Variants in SMC6 observed in about 807,000 individuals in gnomAD.
SMC6 encodes the protein structural maintenance of chromosomes protein 6.
A neutral mutation model predicts 142.2 loss-of-function variants in SMC6; 79 were observed. The ratio of observed to expected loss-of-function variants is 0.56; its 90% CI spans 0.46 to 0.67. The LOEUF (loss-of-function observed/expected upper bound fraction) is 0.67. Ranked by LOEUF, SMC6 falls within the 30% of genes least tolerant of loss-of-function variation. The pLI, the probability that SMC6 is intolerant of heterozygous loss-of-function variation, is 0.00. For missense variants in SMC6, 1,072 were observed against 1,284.0 expected (o/e 0.83, Z 2.52); for synonymous variants, 411 against 412.4 (o/e 1.00, Z 0.04).
rs1421413285 is a variant in SMC6, at chr2:17,683,678, T to C, written c.2764A>G (p.Ile922Val). ...TATGTCTTGAATCTGTGCTCCATGA[T>C]TTCTCCCAGTAATTTAATAAACTTT... ...LKKFIKLLGE[I>V]MEHRFKTYQQ... Residue 922 changes from isoleucine (I) to valine (V), a missense_variant, in exon 24 of 28, where the codon ATC becomes GTC. Physicochemically the swap from Ile to Val is conservative, Grantham distance 29. This residue lies in a region of SMC6 where 994 missense variants were observed against 1,153.2 expected (regional missense o/e 0.86). Transcript: ENST00000448223. 1 of 1,612,370 alleles carries C rather than the reference T, an allele frequency of 6.2e-7. No homozygotes were observed. Among genetic ancestry groups the C allele is most frequent in the Non-Finnish European group, 8.5e-7 (1 of 1,178,650 alleles).
intron 11 of SMC6, 93 bp from the exon 12 acceptor site, chr2:17,718,316 T>C: frequency 2.5e-6 from 2 of 793,904 alleles, no homozygotes; most frequent in Non-Finnish European, 3.7e-6. Flanking sequence ...CAATAATAAA[T>C]TTAACTTCAC....
rs747932996 is a variant in SMC6, at chr2:17,717,172, A to G, written c.1097T>C (p.Leu366Ser). 6.9e-6 allele frequency: 11 copies of G among 1,601,698 alleles called. No homozygotes were observed. The highest frequency in any genetic ancestry group is 1.3e-5 in the African/African-American group (1 of 74,324). The change falls in exon 13 of 28, where the codon TTA becomes TCA. Residue 366 changes from leucine to serine, a missense_variant. Around this residue, in one of 3 missense-constraint regions of SMC6, gnomAD observed 994 missense variants for 1,153.2 expected, o/e 0.86. Coordinates refer to ENST00000448223, the MANE Select transcript of SMC6 (RefSeq NM_001142286.2). ...ATATTCGTTTAAGGATCGGTTATAT[A>G]AAACCTAACCAAAAAAATTAGACAC... ...KKRAYNEAEV[L>S]YNRSLNEYKA...
intron 25 of SMC6, among the ~76,000 whole-genome samples, chr2:17,677,260 G>T (rs1667033090): frequency 6.6e-6 from 1 of 151,968 alleles, no homozygotes. Context: ...AGGTATGATA[G>T]GGCTCACAGT....
chr2:17,668,953 T>C (rs566588276), intron 26 of SMC6, among the ~76,000 whole-genome samples: 186 of 152,056 alleles, frequency 1.2e-3, no homozygotes, highest in Non-Finnish European at 1.9e-3. Context: ...CCTGCCAAAA[T>C]GGTGGAGGAC....
At chr2:17,689,137 AAG>A (rs377231206) in intron 23 of SMC6, among the ~76,000 whole-genome samples, 8 of 151,118 alleles carry the variant, frequency 5.3e-5, no homozygotes, top group Admixed American at 6.6e-5. Context: ...CATCATCAGT[AAG>A]AGAGAGAGAG....
intron 23 of SMC6, among the ~76,000 whole-genome samples, chr2:17,691,671 C>T (rs879138603): frequency 3.3e-5 from 5 of 152,038 alleles, no homozygotes; most frequent in African/African-American, 1.2e-4. Context: ...GGGATGCCCT[C>T]TCTCACCACT....
chr2:17,679,627 T>C (rs1667151662), intron 24 of SMC6: 1 of 152,204 alleles, frequency 6.6e-6, no homozygotes, highest in African/African-American at 2.4e-5. Flanking sequence ...TTTTACATTA[T>C]TCACACCATC....
intron 23 of SMC6, among the ~76,000 whole-genome samples, chr2:17,692,658 G>A (rs1667787006): frequency 6.6e-6 from 1 of 151,560 alleles, no homozygotes; most frequent in Admixed American, 6.5e-5. Context: ...AGGACTTCAT[G>A]TCTAAAACAC....
chr2:17,684,010 T>C (rs905996635), intron 23 of SMC6, among the ~76,000 whole-genome samples: 6 of 152,156 alleles, frequency 3.9e-5, no homozygotes, highest in African/African-American at 7.2e-5. Context: ...GCAGAGACAG[T>C]GTGTGAACAA....
chr2:17,749,178 C>A (rs1670897331), intron 2 of SMC6, among the ~76,000 whole-genome samples: 1 of 151,722 alleles, frequency 6.6e-6, no homozygotes, highest in South Asian at 2.1e-4. Context: ...AACATATTTA[C>A]AGATGCAAAG....
chr2:17,696,865 A>T (rs1465940226), intron 21 of SMC6, among the ~76,000 whole-genome samples: 1 of 152,204 alleles, frequency 6.6e-6, no homozygotes, highest in African/African-American at 2.4e-5. Flanking sequence ...CATAAAATAC[A>T]ACTGGAAAGA....
rs1431004529 is a variant in SMC6, at chr2:17,692,242, T to C, written c.2678+2910A>G. Among the ~76,000 whole-genome samples the C allele has an allele frequency of 4.6e-5, 7 of 152,140 alleles. No individual in the cohort carries two copies. In the East Asian group the frequency reaches 9.6e-4, roughly 21 times the overall value. On this transcript the variant is annotated intron_variant, in intron 23 of 27. Transcript: ENST00000448223. Reference sequence around the variant, plus strand: ...TATGGAACCAAAAAAGAGCCCGCGTTGCCAAGTCAATCCTAAGCCAAAAGA... The same window carrying C: ...TATGGAACCAAAAAAGAGCCCGCGTCGCCAAGTCAATCCTAAGCCAAAAGA...
intron 25 of SMC6, among the ~76,000 whole-genome samples, chr2:17,676,617 C>T (rs1053246157): frequency 6.6e-6 from 1 of 152,164 alleles, no homozygotes; most frequent in East Asian, 1.9e-4. Flanking sequence ...TGAGTTGAGG[C>T]AGTCTGTATA....
At chr2:17,666,736 G>A (rs942718872) in intron 26 of SMC6, among the ~76,000 whole-genome samples, 1 of 151,950 alleles carries the variant, frequency 6.6e-6, no homozygotes, top group Non-Finnish European at 1.5e-5. Flanking sequence ...TAATCCCAAT[G>A]CTTTGAGAGG....
intron 9 of SMC6, 46 bp downstream of exon 9, chr2:17,725,211 A>T: frequency 2.3e-6 from 3 of 1,304,160 alleles, no homozygotes; most frequent in Non-Finnish European, 2.2e-6. Flanking sequence ...AAGTACTATA[A>T]GAATTTGGCT....
At chr2:17,732,390 AC>A (rs1158138839) in intron 5 of SMC6, among the ~76,000 whole-genome samples, 1 of 152,140 alleles carries the variant, frequency 6.6e-6, no homozygotes, top group Non-Finnish European at 1.5e-5. Context: ...AAAAAATAAA[AC>A]CATTTGATAT....
chr2:17,673,140 T>C (rs1010651344), intron 25 of SMC6, among the ~76,000 whole-genome samples: 3 of 152,202 alleles, frequency 2.0e-5, no homozygotes, highest in Non-Finnish European at 4.4e-5. Flanking sequence ...GTATAAATAA[T>C]ATTTCTCTGA....
chr2:17,671,775 C>T (rs1306784058), intron 25 of SMC6, among the ~76,000 whole-genome samples: 1 of 151,624 alleles, frequency 6.6e-6, no homozygotes, highest in East Asian at 1.9e-4. Flanking sequence ...AAGAAAGCAA[C>T]TAATAAAATT....
At chr2:17,753,091 C>G (rs961367153) in intron 1 of SMC6, 27 bp from the exon 2 acceptor site, 8 of 867,842 alleles carry the variant, frequency 9.2e-6, no homozygotes, top group Non-Finnish European at 1.1e-5. Context: ...CAGAGAAATG[C>G]CATCAGTAAA....
Sources: allele counts gnomAD v4.1 joint callset (sites outside exome capture counted in the v4.1 genomes callset), GRCh38; gene constraint gnomAD v4.1.1; regional missense constraint gnomAD v4.1.1; transcripts MANE v1.5; gene names NCBI Gene and HGNC (gene_info 2026-07-23, HGNC 2026-07-21).